Variants in CORIN observed in about 807,000 individuals in gnomAD.
CORIN encodes corin, serine peptidase, also known as atrial natriuretic peptide-converting enzyme.
In CORIN, 117 loss-of-function variants were observed where a neutral mutation model predicts 125.3. The observed-to-expected ratio is 0.93, with a 90% CI of 0.80 to 1.09. CORIN has a LOEUF of 1.09. Ranked by LOEUF, CORIN falls within the 50% of genes least tolerant of loss-of-function variation. CORIN has a pLI of 0.00. For missense variants in CORIN, 1,253 were observed against 1,306.7 expected (o/e 0.96, Z 0.63); for synonymous variants, 450 against 466.4 (o/e 0.96, Z 0.45).
rs149039145 is a variant in CORIN at position 47,826,063 on chromosome 4, G to A, written c.63+11824C>T. ...ATAAGAAAACCTCCTTCCTCTGTTC[G>A]TCCTTAAAGGCAGTGATAAGACACC... On this transcript the variant is annotated intron_variant, in intron 1 of 21. Transcript: ENST00000273857. Among the ~76,000 whole-genome samples, 17 of 152,116 alleles carry A rather than the reference G, an allele frequency of 1.1e-4. No homozygotes were observed. The East Asian group carries it at 2.1e-3, about 19-fold the overall frequency.
At chr4:47,627,378 C>G (rs1286737238) in intron 16 of CORIN, among the ~76,000 whole-genome samples, 1 of 152,024 alleles carries the variant, frequency 6.6e-6, no homozygotes, top group African/African-American at 2.4e-5. Context: ...AAGGAAGAAC[C>G]CTCTAAAGGG....
intron 5 of CORIN, among the ~76,000 whole-genome samples, chr4:47,725,549 T>C (rs1727553612): frequency 6.6e-6 from 1 of 152,034 alleles, no homozygotes; most frequent in Non-Finnish European, 1.5e-5. Context: ...CAAATGTGTC[T>C]GGAACAAATG....
At chr4:47,710,471 G>A (rs1577851501) in intron 5 of CORIN, among the ~76,000 whole-genome samples, 1 of 152,244 alleles carries the variant, frequency 6.6e-6, no homozygotes, top group South Asian at 2.1e-4. Context: ...ACTTCCTGAT[G>A]TTGCCAAGCA....
chr4:47,673,569 A>G (rs1169388860), intron 10 of CORIN, among the ~76,000 whole-genome samples: 1 of 152,022 alleles, frequency 6.6e-6, no homozygotes, highest in Non-Finnish European at 1.5e-5. Context: ...TTCTGATTCC[A>G]TTTTCCATGA....
intron 5 of CORIN, among the ~76,000 whole-genome samples, chr4:47,701,222 A>G (rs1308088171): frequency 6.6e-6 from 1 of 151,992 alleles, no homozygotes; most frequent in Admixed American, 6.6e-5. Context: ...CAACAATACA[A>G]CTCTTTCATT....
At chr4:47,597,400 T>C (rs1413151841) in intron 21 of CORIN, among the ~76,000 whole-genome samples, 1 of 151,756 alleles carries the variant, frequency 6.6e-6, no homozygotes, top group African/African-American at 2.4e-5. Flanking sequence ...TTGATTGTGC[T>C]GTATGCTTTT....
rs112398213 is a variant in CORIN, at chr4:47,737,462, A to C, written c.799+6940T>G. 4.6e-5 allele frequency among the ~76,000 whole-genome samples: 7 copies of C among 152,342 alleles called. 1 individual carries two copies. The highest frequency in any genetic ancestry group is 2.6e-4 in the Admixed American group (4 of 15,306). ...CACTCAGTGGCACACTCTTCCCAGG[A>C]AGGACCACATCCAATGACTGATTGA... On this transcript the variant is annotated intron_variant, in intron 5 of 21. Transcript: ENST00000273857.
At chr4:47,662,623 A>G (rs188686189) in intron 11 of CORIN, among the ~76,000 whole-genome samples, 6 of 152,230 alleles carry the variant, frequency 3.9e-5, no homozygotes, top group Admixed American at 3.3e-4. Context: ...TTAGTTACAC[A>G]GTTAAAAAAA....
In CORIN at chr4:47,749,510, C is replaced by T. The variant is rs1009263081; in HGVS notation, c.618-4927G>A. Among the ~76,000 whole-genome samples, 4 of 152,268 alleles carry T rather than the reference C, an allele frequency of 2.6e-5. No homozygotes were observed. In the East Asian group the frequency reaches 7.7e-4, roughly 29 times the overall value. ...GAAGTTGATCCTTCCCAGGTCAAGC[C>T]TTCAGATAAGACCCCAACCCTGCCA... is the stretch of plus-strand genomic sequence containing the variant. On this transcript the variant is annotated intron_variant, in intron 4 of 21. Transcript: ENST00000273857.
At chr4:47,671,853 T>C (rs539751825) in intron 10 of CORIN, among the ~76,000 whole-genome samples, 9 of 152,228 alleles carry the variant, frequency 5.9e-5, no homozygotes, top group African/African-American at 1.9e-4. Context: ...CCTCCCAAAG[T>C]GCTGGGATTA....
At chr4:47,675,111 A>G (rs183837091) in intron 9 of CORIN, among the ~76,000 whole-genome samples, 2 of 152,342 alleles carry the variant, frequency 1.3e-5, no homozygotes, top group East Asian at 3.9e-4. Context: ...TGACAGCAGT[A>G]GTATCAGTGT....
At chr4:47,612,221 T>C (rs1174196969) in intron 19 of CORIN, among the ~76,000 whole-genome samples, 1 of 152,140 alleles carries the variant, frequency 6.6e-6, no homozygotes, top group African/African-American at 2.4e-5. Flanking sequence ...AAAGTAAATA[T>C]ATGAAGTGGC....
At chr4:47,723,301 G>A (rs1392718226) in intron 5 of CORIN, among the ~76,000 whole-genome samples, 2 of 152,186 alleles carry the variant, frequency 1.3e-5, no homozygotes, top group African/African-American at 4.8e-5. Context: ...AGAAGAGGGA[G>A]CTTGAGATGA....
chr4:47,817,462 A>G (rs1296591986), intron 1 of CORIN, among the ~76,000 whole-genome samples: 1 of 152,178 alleles, frequency 6.6e-6, no homozygotes, highest in Admixed American at 6.5e-5. Flanking sequence ...AACATGGTCC[A>G]TGTAGGACTT....
intron 4 of CORIN, among the ~76,000 whole-genome samples, chr4:47,749,469 G>C (rs1386901382): frequency 6.6e-6 from 1 of 152,154 alleles, no homozygotes; most frequent in Admixed American, 6.5e-5. Context: ...GTTTTTCCAA[G>C]AATCACATGA....
At chr4:47,734,513 G>A (rs1728034589) in intron 5 of CORIN, among the ~76,000 whole-genome samples, 1 of 152,186 alleles carries the variant, frequency 6.6e-6, no homozygotes, top group African/African-American at 2.4e-5. Context: ...CATTTAACCT[G>A]TGTCCTTTTA....
intron 16 of CORIN, among the ~76,000 whole-genome samples, chr4:47,633,124 T>C (rs1035740925): frequency 6.6e-6 from 1 of 152,188 alleles, no homozygotes; most frequent in African/African-American, 2.4e-5. Context: ...ATCTCAGAGA[T>C]GGAGTGTAGT....
At chr4:47,667,297 G>C (rs891817854) in intron 10 of CORIN, among the ~76,000 whole-genome samples, 5 of 152,108 alleles carry the variant, frequency 3.3e-5, no homozygotes, top group African/African-American at 1.2e-4. Flanking sequence ...TTTATCAGCA[G>C]CGTGAAAACA....
At chr4:47,749,880 T>C (rs908511570) in intron 4 of CORIN, among the ~76,000 whole-genome samples, 2 of 152,180 alleles carry the variant, frequency 1.3e-5, no homozygotes, top group African/African-American at 2.4e-5. Flanking sequence ...TACTTAGTCG[T>C]GAAGAGAATG....
Sources: gnomAD v4.1 joint callset for allele counts (sites outside exome capture counted in the v4.1 genomes callset) on GRCh38, gnomAD v4.1.1 for gene constraint, MANE v1.5 for transcripts, NCBI Gene and HGNC (gene_info 2026-07-23, HGNC 2026-07-21) for gene names.